PICALM: variants seen among roughly 807,000 people sequenced by gnomAD.
PICALM encodes the protein phosphatidylinositol-binding clathrin assembly protein.
Under a neutral mutation model 80.5 loss-of-function variants are expected in PICALM, and 40 were observed. The ratio of observed to expected loss-of-function variants is 0.50; its 90% confidence interval spans 0.39 to 0.65. The LOEUF is 0.65. PICALM is among the 30% of genes least tolerant of loss of function. The pLI is 0.00. For synonymous variants in PICALM, 288 were observed against 260.3 expected (o/e 1.11, Z -1.02); for missense variants, 676 against 778.9 (o/e 0.87, Z 1.57).
At chr11:86,031,375 G>C in intron 2 of PICALM, 94 bp downstream of exon 2, 1 of 928,246 alleles carries the variant, frequency 1.1e-6, no homozygotes, top group Non-Finnish European at 1.6e-6. Flanking sequence ...CTTGACCTTT[G>C]TACCTGGGAG....
intron 8 of PICALM, 132 bp downstream of exon 8, chr11:86,007,410 C>T (rs911409787): frequency 1.7e-6 from 1 of 589,170 alleles, no homozygotes; most frequent in South Asian, 1.8e-5. Context: ...TTCAGGAATA[C>T]ATCAAAATGT....
rs618629 is a variant in PICALM at position 85,978,392 on chromosome 11, T to C, written c.1780-1710A>G. ...GTCAACAGTGCAAAATTTTGGGCAT[T>C]GCATAAACAGGGTTGCATCAGATGT... On this transcript the variant is annotated intron_variant, in intron 17 of 19. Transcript: ENST00000393346. The C allele has an allele frequency of 0.81, 159,430 of 197,218 alleles. 64,746 individuals are homozygous for C. The highest frequency in any genetic ancestry group is 0.88 in the African/African-American group (38,008 of 43,076). 12.2% of individuals were successfully genotyped at this position (197,218 alleles called of 1,614,324 possible).
chr11:86,041,369 T>G (rs114127800), intron 1 of PICALM, among the ~76,000 whole-genome samples: 13 of 152,284 alleles, frequency 8.5e-5, no homozygotes, highest in African/African-American at 2.9e-4. Context: ...CCACCCCATA[T>G]TCCTCCTCCT....
chr11:86,016,934 G>A (rs2095489423), intron 4 of PICALM, among the ~76,000 whole-genome samples: 1 of 152,098 alleles, frequency 6.6e-6, no homozygotes, highest in East Asian at 1.9e-4. Flanking sequence ...AAAAAGTGTT[G>A]GCTAAGGCTG....
intron 19 of PICALM, among the ~76,000 whole-genome samples, chr11:85,964,453 T>C (rs1195196127): frequency 6.6e-6 from 1 of 152,232 alleles, no homozygotes; most frequent in Admixed American, 6.5e-5. Context: ...AACTCTCTTA[T>C]AAAATGGGAT....
At chr11:85,971,676 C>T (rs1469672184) in intron 19 of PICALM, among the ~76,000 whole-genome samples, 18 of 150,926 alleles carry the variant, frequency 1.2e-4, no homozygotes, top group Admixed American at 1.2e-3. Context: ...ATGGAGGTTG[C>T]AGTGAGCCGA....
chr11:86,012,323 T>C lies in PICALM; in HGVS notation c.616A>G (p.Arg206Gly). 6.2e-7 allele frequency: 1 copy of C among 1,610,310 alleles called. No individual in the cohort carries two copies. The highest frequency in any genetic ancestry group is 1.1e-5 in the South Asian group (1 of 90,858). ...AFMLLFKDAI[R>G]LFAAYNEGII... ...CCTTCATTGTATGCTGCAAACAGTC[T>C]AATGGCATCTTTGAACAGGAGCATG... Residue 206 changes from arginine to glycine, a missense_variant, in exon 6 of 20, where the codon AGA becomes GGA. Transcript: ENST00000393346.
In PICALM at chr11:86,003,465, A is replaced by C; in HGVS notation, c.808-14T>G. 1.3e-6 allele frequency: 2 copies of C among 1,499,732 alleles called. No homozygotes were observed. The highest frequency in any genetic ancestry group is 1.8e-6 in the Non-Finnish European group (2 of 1,097,248). 92.9% of individuals were successfully genotyped at this position (1,499,732 alleles called of 1,614,324 possible). A position where few individuals can be genotyped will look rare whatever the true frequency, so the allele number is the denominator to read the frequency against. ...ACTGCTAGGGGCCTGCAATTGTACA[A>C]ATATTAAGAATTTCATGATAATTAG... On this transcript the variant is annotated splice_polypyrimidine_tract_variant and intron_variant, in intron 8 of 19. Coordinates refer to ENST00000393346, the MANE Select transcript of PICALM (RefSeq NM_007166.4).
rs1325693166 is a variant in PICALM, at chr11:86,059,217, G to C, written c.130+9434C>G. 2.6e-5 allele frequency among the ~76,000 whole-genome samples: 4 copies of C among 152,186 alleles called. No individual in the cohort carries two copies. The South Asian group carries it at 6.2e-4, about 24-fold the overall frequency. ...CATGGAATAGTCTGAGCTATGAAGG[G>C]AGGTTAAGTATAATCATTCAATATT... On this transcript the variant is annotated intron_variant, in intron 1 of 19. Transcript: ENST00000393346.
chr11:86,002,494 TTC>T (rs151191447), intron 9 of PICALM, among the ~76,000 whole-genome samples: 311 of 152,356 alleles, frequency 2.0e-3, no homozygotes, highest in African/African-American at 7.0e-3. Context: ...ATGAAATGAT[TTC>T]TGTTACTTTC....
At chr11:85,960,796 G>C (rs1354736905) in intron 19 of PICALM, 2 of 1,130,812 alleles carry the variant, frequency 1.8e-6, no homozygotes, top group Admixed American at 6.9e-5. Flanking sequence ...AAAGAAGACA[G>C]AGAGAGGGAA....
intron 3 of PICALM, among the ~76,000 whole-genome samples, chr11:86,024,222 TC>T (rs2095612508): frequency 6.6e-6 from 1 of 152,034 alleles, no homozygotes; most frequent in Non-Finnish European, 1.5e-5. Context: ...TAATTTTTTT[TC>T]CTTAAGTTAG....
intron 1 of PICALM, among the ~76,000 whole-genome samples, chr11:86,065,389 G>A (rs891156579): frequency 9.2e-5 from 14 of 151,782 alleles, no homozygotes; most frequent in African/African-American, 3.1e-4. Context: ...GTTGCAGTGA[G>A]CCAAGATCGC....
chr11:85,988,592 G>A (rs754075178), intron 13 of PICALM, among the ~76,000 whole-genome samples: 1 of 151,924 alleles, frequency 6.6e-6, no homozygotes, highest in African/African-American at 2.4e-5. Context: ...CAGGAAAGGA[G>A]TAAGGAAAGG....
intron 4 of PICALM, among the ~76,000 whole-genome samples, chr11:86,021,118 T>C (rs922789492): frequency 6.6e-6 from 1 of 152,074 alleles, no homozygotes; most frequent in African/African-American, 2.4e-5. Context: ...GAGGCCAAAA[T>C]GGGAAGACTG....
chr11:85,986,234 T>C (rs2135803068), intron 13 of PICALM, among the ~76,000 whole-genome samples: 1 of 151,616 alleles, frequency 6.6e-6, no homozygotes, highest in East Asian at 1.9e-4. Flanking sequence ...TTTCCAAATT[T>C]CCAAAGTAAA....
chr11:85,994,251 A>G (rs868219029), intron 12 of PICALM, among the ~76,000 whole-genome samples: 2 of 152,190 alleles, frequency 1.3e-5, no homozygotes, highest in South Asian at 4.1e-4. Flanking sequence ...CTTCTCAGAT[A>G]TTAGTATTCA....
chr11:86,055,502 A>ATGTC (rs56090012), intron 1 of PICALM, among the ~76,000 whole-genome samples: 124,131 of 151,718 alleles, frequency 0.82, 50,983 homozygotes, highest in African/African-American at 0.89. Flanking sequence ...AGCTGAAAGA[A>ATGTC]TGACCCAAAT....
At chr11:86,031,992 C>T (rs1476064877) in intron 1 of PICALM, among the ~76,000 whole-genome samples, 2 of 152,166 alleles carry the variant, frequency 1.3e-5, no homozygotes, top group African/African-American at 4.8e-5. Flanking sequence ...TTAACTTTAA[C>T]ATTTTTCTTT....
Sources: allele counts gnomAD v4.1 joint callset (sites outside exome capture counted in the v4.1 genomes callset), GRCh38; gene constraint gnomAD v4.1.1; transcripts MANE v1.5; gene names NCBI Gene and HGNC (gene_info 2026-07-23, HGNC 2026-07-21).